Variants in IL1RAPL2 observed in about 807,000 individuals in gnomAD.
The protein encoded by IL1RAPL2 is interleukin 1 receptor accessory protein like 2.
Under a neutral mutation model 44.1 loss-of-function variants are expected in IL1RAPL2, and 3 were observed. The ratio of observed to expected loss-of-function variants is 0.07; its 90% confidence interval spans 0.03 to 0.18. IL1RAPL2 has a LOEUF of 0.18. IL1RAPL2 is among the 10% of genes least tolerant of loss of function. IL1RAPL2 has a pLI of 1.00. For synonymous variants in IL1RAPL2, 181 were observed against 178.8 expected, an observed-to-expected ratio of 1.01 and a Z score of -0.10; for missense variants, 391 against 496.4, an observed-to-expected ratio of 0.79 and a Z score of 2.02.
chrX:104,640,916 C>A (rs1464776166), intron 1 of IL1RAPL2, among the ~76,000 whole-genome samples: 3 of 112,086 alleles, frequency 2.7e-5, no homozygotes, highest in Admixed American at 1.9e-4. Flanking sequence ...GTCCTTGGGC[C>A]CCATGGCTGT....
intron 6 of IL1RAPL2, among the ~76,000 whole-genome samples, chrX:105,653,010 G>C (rs1381098093): frequency 9.0e-6 from 1 of 111,315 alleles, no homozygotes; most frequent in South Asian, 3.7e-4. Flanking sequence ...TACAAATACT[G>C]TGCTGTAATC....
chrX:104,937,430 G>T (rs2147700610), intron 2 of IL1RAPL2, among the ~76,000 whole-genome samples: 1 of 112,028 alleles, frequency 8.9e-6, no homozygotes, highest in South Asian at 3.7e-4. Context: ...TCTAGCCCAA[G>T]GATGGAAAAG....
At chrX:105,664,005 A>T (rs773284774) in intron 6 of IL1RAPL2, among the ~76,000 whole-genome samples, 15 of 112,417 alleles carry the variant, frequency 1.3e-4, no homozygotes, top group African/African-American at 4.8e-4. Context: ...CATACCTATA[A>T]AATCTAACAT....
chrX:105,123,381 A>G (rs145719161), intron 2 of IL1RAPL2, among the ~76,000 whole-genome samples: 1 of 111,268 alleles, frequency 9.0e-6, no homozygotes, highest in Non-Finnish European at 1.9e-5. Flanking sequence ...TTAGGATGGC[A>G]TCATAGTTAA....
intron 2 of IL1RAPL2, among the ~76,000 whole-genome samples, chrX:104,842,612 A>G (rs186527051): frequency 1.7e-3 from 192 of 111,916 alleles, no homozygotes; most frequent in Middle Eastern, 0.014. Context: ...TGTTGTTGTC[A>G]TTGCTTTCTG....
intron 5 of IL1RAPL2, among the ~76,000 whole-genome samples, chrX:105,297,644 G>A (rs1220574236): frequency 6.3e-5 from 7 of 110,712 alleles, no homozygotes. Context: ...AACAGGGTGG[G>A]GGAAACTGCC....
At chrX:105,049,074 T>C (rs1330200773) in intron 2 of IL1RAPL2, among the ~76,000 whole-genome samples, 1 of 111,402 alleles carries the variant, frequency 9.0e-6, no homozygotes, top group Non-Finnish European at 1.9e-5. Context: ...CAATAAAACC[T>C]TACCATGGTC....
chrX:105,081,659 G>C (rs1339495725), intron 2 of IL1RAPL2, among the ~76,000 whole-genome samples: 1 of 111,786 alleles, frequency 8.9e-6, no homozygotes, highest in Admixed American at 9.5e-5. Flanking sequence ...TCAATACCTA[G>C]TTTGTTGAGA....
At chrX:105,389,784 G>T (rs1374983480) in intron 5 of IL1RAPL2, among the ~76,000 whole-genome samples, 1 of 111,099 alleles carries the variant, frequency 9.0e-6, no homozygotes, top group Non-Finnish European at 1.9e-5. Context: ...AAACTTTTGA[G>T]AACAAAAGAG....
At chrX:104,631,557 T>A (rs1410130867) in intron 1 of IL1RAPL2, among the ~76,000 whole-genome samples, 1 of 111,841 alleles carries the variant, frequency 8.9e-6, no homozygotes, top group East Asian at 2.8e-4. Flanking sequence ...GGTATCTCAT[T>A]GTGGTTTTGA....
chrX:104,979,484 A>G (rs1326258125), intron 2 of IL1RAPL2, among the ~76,000 whole-genome samples: 1 of 111,851 alleles, frequency 8.9e-6, no homozygotes, highest in Non-Finnish European at 1.9e-5. Context: ...GAACAAATAT[A>G]TAAAAGGGGA....
intron 5 of IL1RAPL2, among the ~76,000 whole-genome samples, chrX:105,381,436 G>A (rs917903293): frequency 1.5e-4 from 17 of 111,455 alleles, no homozygotes; most frequent in African/African-American, 5.5e-4. Context: ...AGACAGAGAG[G>A]CAAAATACAT....
chrX:105,591,318 T>G (rs938589361), intron 6 of IL1RAPL2, among the ~76,000 whole-genome samples: 2 of 110,312 alleles, frequency 1.8e-5, no homozygotes, highest in African/African-American at 6.6e-5. Flanking sequence ...TTTTTCTTCA[T>G]TAGTCTAGCT....
intron 6 of IL1RAPL2, among the ~76,000 whole-genome samples, chrX:105,640,553 G>T: frequency 9.5e-6 from 1 of 104,938 alleles, no homozygotes; most frequent in East Asian, 3.0e-4. Flanking sequence ...TGACCAAAAA[G>T]ACTGGGGTTG....
chrX:105,210,140 G>A (rs782541602), intron 3 of IL1RAPL2, among the ~76,000 whole-genome samples: 3 of 111,360 alleles, frequency 2.7e-5, no homozygotes, highest in African/African-American at 6.5e-5. Context: ...CACAAAGGCA[G>A]GAAACCCCTT....
chrX:105,296,313 C>G (rs779241938), intron 5 of IL1RAPL2, among the ~76,000 whole-genome samples: 74 of 111,814 alleles, frequency 6.6e-4, no homozygotes, highest in African/African-American at 2.1e-3. Flanking sequence ...AAGGCCATGA[C>G]TTTTATAATC....
Position 105,521,824 on chromosome X carries a change from G to A in IL1RAPL2, c.772+37437G>A, listed in dbSNP as rs140528451. On this transcript the variant is annotated intron_variant, in intron 6 of 10. Transcript: ENST00000372582. ...ACCAGTATGAGAATGGACTAATACC[G>A]TGATGTAAATAATCCTTACCGCCAA... 7.6e-3 allele frequency among the ~76,000 whole-genome samples: 855 copies of A among 112,075 alleles called. 12 individuals are homozygous for A. Among genetic ancestry groups the A allele is most frequent in the African/African-American group, 0.027 (826 of 30,872 alleles).
At position 104,880,829 on chromosome X, in the gene IL1RAPL2, T is replaced by G. The variant is rs1026821454; in HGVS notation, c.82+221834T>G. On this transcript the variant is annotated intron_variant, in intron 2 of 10. Transcript: ENST00000372582. ...CTGTTTTCCAAAATCAAAGGTGCAA[T>G]AGAATAAGCAATCCTTCAACACGCC... Among the ~76,000 whole-genome samples the G allele has an allele frequency of 3.6e-5, 4 of 111,924 alleles. No individual in the cohort carries two copies. The Admixed American group carries it at 3.8e-4, about 11-fold the overall frequency.
intron 2 of IL1RAPL2, among the ~76,000 whole-genome samples, chrX:105,182,064 C>CAA (rs782283394): frequency 7.8e-4 from 46 of 58,745 alleles, no homozygotes; most frequent in South Asian, 4.9e-3. Context: ...GAGACTCTGT[C>CAA]AAAAAAAAAA....
Sources: gnomAD v4.1 joint callset for allele counts (sites outside exome capture counted in the v4.1 genomes callset) on GRCh38, gnomAD v4.1.1 for gene constraint, MANE v1.5 for transcripts, NCBI Gene and HGNC (gene_info 2026-07-23, HGNC 2026-07-21) for gene names.